NAT10: variants seen among roughly 807,000 people sequenced by gnomAD.
The protein encoded by NAT10 is N-acetyltransferase 10, also known as RNA cytidine acetyltransferase.
NAT10 carries 109 observed loss-of-function variants against 132.2 expected under a neutral mutation model. That is an observed-to-expected ratio of 0.82 (90% CI 0.71 to 0.97). NAT10 has a LOEUF of 0.97. Ranked by LOEUF, NAT10 falls within the 50% of genes least tolerant of loss-of-function variation. The pLI, the probability that NAT10 is intolerant of heterozygous loss-of-function variation, is 0.00. For synonymous variants in NAT10, 479 were observed against 478.0 expected (o/e 1.00, Z -0.03); for missense variants, 1,184 against 1,263.4 (o/e 0.94, Z 0.95).
chr11:34,123,739 C>CCTT, intron 9 of NAT10, 23 bp from the exon 10 acceptor site: 1 of 1,493,336 alleles, frequency 6.7e-7, no homozygotes, highest in Non-Finnish European at 9.2e-7. Flanking sequence ...TCTTAAAAAT[C>CCTT]CTTCTTTTAT....
chr11:34,134,186 T>C, intron 16 of NAT10, 133 bp from the exon 17 acceptor site: 1 of 720,048 alleles, frequency 1.4e-6, no homozygotes, highest in Non-Finnish European at 2.5e-6. Flanking sequence ...GGAATGGATG[T>C]GTCAGTGTCA....
intron 14 of NAT10, 78 bp downstream of exon 14, chr11:34,131,609 T>A: frequency 1.4e-6 from 2 of 1,398,792 alleles, no homozygotes; most frequent in South Asian, 1.4e-5. Context: ...GAGTCCTTTG[T>A]TTCATAGGAT....
intron 11 of NAT10, among the ~76,000 whole-genome samples, chr11:34,126,545 G>A (rs1851997420): frequency 6.6e-6 from 1 of 152,178 alleles, no homozygotes; most frequent in African/African-American, 2.4e-5. Flanking sequence ...TTTCCAGCTT[G>A]CTTAAAATTT....
rs1257014113 is a variant in NAT10, at chr11:34,105,638, G to C, written c.-170G>C. On this transcript the variant is annotated 5_prime_UTR_variant, in exon 1 of 29. Coordinates refer to ENST00000257829, the MANE Select transcript of NAT10 (RefSeq NM_024662.3). ...GCACGTGCTGTCTACCAGTTCCTGA[G>C]AGGGACGCGTGCCGCGGAGCCAGGC... The C allele has an allele frequency of 6.6e-6, 1 of 152,374 alleles. No homozygotes were observed. The highest frequency in any genetic ancestry group is 2.4e-5 in the African/African-American group (1 of 41,486). The allele number at this position is 152,374 out of a possible 1,614,324, so 9.4% of individuals were successfully genotyped here.
chr11:34,119,554 G>C (rs1016028731), intron 8 of NAT10, among the ~76,000 whole-genome samples: 1 of 152,178 alleles, frequency 6.6e-6, no homozygotes, highest in Non-Finnish European at 1.5e-5. Context: ...TTCTAGTTAA[G>C]TAGTGTTATA....
chr11:34,142,270 C>A lies in NAT10; in HGVS notation c.2812-5C>A, dbSNP rs955838678. ...CTTAGTCTCTTTATGGGTCCTTAAC[C>A]ACAGGATGAAGCAGCAAAGGAATTT... On this transcript the variant is annotated splice_polypyrimidine_tract_variant and splice_region_variant and intron_variant, in intron 26 of 28. Transcript: ENST00000257829. The A allele has an allele frequency of 1.2e-6, 2 of 1,613,952 alleles. No homozygotes were observed. The highest frequency in any genetic ancestry group is 8.5e-7 in the Non-Finnish European group (1 of 1,179,924).
Position 34,118,487 on chromosome 11 carries a change from G to C in NAT10, c.764G>C (p.Cys255Ser). The stretch of plus-strand genomic sequence containing the variant: ...CCTGTGGGTGTGTTGGTGGACTGCT[G>C]TAAGACTCTAGACCAGGTGAGTGTG... ...TQPVGVLVDC[C>S]KTLDQAKAVL... The change falls in exon 8 of 29, where the codon TGT becomes TCT. Residue 255 changes from cysteine to serine, a missense_variant. Physicochemically the swap from Cys to Ser is moderately radical, Grantham distance 112. Coordinates refer to ENST00000257829, the MANE Select transcript of NAT10 (RefSeq NM_024662.3). 6.2e-7 allele frequency: 1 copy of C among 1,613,762 alleles called. No individual in the cohort carries two copies. Among genetic ancestry groups the C allele is most frequent in the Non-Finnish European group, 8.5e-7 (1 of 1,179,792 alleles).
chr11:34,133,158 C>T lies in NAT10; in HGVS notation c.1734+16C>T, dbSNP rs530952149. The T allele has an allele frequency of 1.7e-5, 27 of 1,573,698 alleles. No homozygotes were observed. Among genetic ancestry groups the T allele is most frequent in the Admixed American group, 1.5e-4 (9 of 59,938 alleles). The stretch of plus-strand genomic sequence containing the variant: ...TGTTATCCAGGTATAGGAGCAGAGG[C>T]GTCCTTGTGGCAGTGATTTGGGGAA... On this transcript the variant is annotated intron_variant, in intron 16 of 28. Coordinates refer to ENST00000257829, the MANE Select transcript of NAT10 (RefSeq NM_024662.3).
At chr11:34,131,317 C>T in intron 13 of NAT10, 64 bp from the exon 14 acceptor site, 2 of 1,529,060 alleles carry the variant, frequency 1.3e-6, no homozygotes, top group South Asian at 1.3e-5. Context: ...TTTTTCCTTG[C>T]TTTTTTAGAC....
In NAT10 at chr11:34,108,825, G is replaced by C; in HGVS notation, c.192G>C (p.Gly64=). The stretch of plus-strand genomic sequence containing the variant: ...TGTGGTGTTATAAGAAAGAGCTGGG[G>C]TTTAGCAGGTAAGCTGGGCTCTTCA... ...SVLWCYKKEL[G]FSSHRKKRMR... The change falls in exon 3 of 29, where the codon GGG becomes GGC. Residue 64 remains glycine (G), a synonymous_variant. Transcript: ENST00000257829. 6.2e-7 allele frequency: 1 copy of C among 1,613,142 alleles called. No individual in the cohort carries two copies. Among genetic ancestry groups the C allele is most frequent in the Non-Finnish European group, 8.5e-7 (1 of 1,179,664 alleles).
intron 25 of NAT10, among the ~76,000 whole-genome samples, chr11:34,141,470 G>A (rs560105836): frequency 6.6e-6 from 1 of 150,440 alleles, no homozygotes; most frequent in East Asian, 2.0e-4. Flanking sequence ...GCAAATACAG[G>A]ACTTCAGCTC....
At chr11:34,127,828 T>A (rs1465918031) in intron 12 of NAT10, among the ~76,000 whole-genome samples, 1 of 152,204 alleles carries the variant, frequency 6.6e-6, no homozygotes, top group Non-Finnish European at 1.5e-5. Flanking sequence ...GACTGAAGAA[T>A]TTTAGTCTGA....
chr11:34,133,134 G>C lies in NAT10; in HGVS notation c.1726G>C (p.Val576Leu), dbSNP rs147822972. The C allele has an allele frequency of 3.5e-5, 56 of 1,611,462 alleles. No individual in the cohort carries two copies. Among genetic ancestry groups the C allele is most frequent in the Non-Finnish European group, 2.1e-5 (25 of 1,177,536 alleles). ...TQNALPEVLA[V>L]IQVCLEGEIS... ...GAATGCCCTTCCAGAAGTGCTTGCTGTTATCCAGGTATAGGAGCAGAGGCG... is the reference window on the plus strand; with the variant it reads ...GAATGCCCTTCCAGAAGTGCTTGCTCTTATCCAGGTATAGGAGCAGAGGCG... The change falls in exon 16 of 29, where the codon GTT becomes CTT. Residue 576 changes from valine to leucine, a missense_variant. By Grantham distance (32) the Val-to-Leu change is conservative. Coordinates refer to ENST00000257829, the MANE Select transcript of NAT10 (RefSeq NM_024662.3).
At chr11:34,144,993 T>G (rs181294106) in intron 28 of NAT10, among the ~76,000 whole-genome samples, 28 of 152,370 alleles carry the variant, frequency 1.8e-4, no homozygotes, top group African/African-American at 6.7e-4. Flanking sequence ...GATGCCGGCC[T>G]CATTTCCCAG....
At chr11:34,119,376 A>T (rs548819925) in intron 8 of NAT10, among the ~76,000 whole-genome samples, 1 of 152,360 alleles carries the variant, frequency 6.6e-6, no homozygotes, top group Non-Finnish European at 1.5e-5. Context: ...CTTAGGGCTG[A>T]GTCCCAGCAG....
chr11:34,128,055 C>G (rs1315518848), intron 12 of NAT10, among the ~76,000 whole-genome samples: 2 of 151,694 alleles, frequency 1.3e-5, no homozygotes, highest in East Asian at 1.9e-4. Context: ...AACAGGTAAG[C>G]AAAAGAAAAA....
At chr11:34,137,479 A>G (rs567454829) in intron 21 of NAT10, among the ~76,000 whole-genome samples, 1 of 152,258 alleles carries the variant, frequency 6.6e-6, no homozygotes, top group East Asian at 1.9e-4. Context: ...GGAAATGTGG[A>G]CTAGGCATTC....
Position 34,146,392 on chromosome 11 carries a change from T to G in NAT10, c.*200T>G, listed in dbSNP as rs549209912. On this transcript the variant is annotated 3_prime_UTR_variant, in exon 29 of 29. Transcript: ENST00000257829. ...ACTCCCAAATGGGTCTCTTTAGAAC[T>G]TGATGGCTGGGCACTGCCATCTCTA... 1 of 479,132 alleles carries G rather than the reference T, an allele frequency of 2.1e-6. No homozygotes were observed. The highest frequency in any genetic ancestry group is 2.0e-5 in the African/African-American group (1 of 51,132). 29.7% of individuals were successfully genotyped at this position (479,132 alleles called of 1,614,324 possible).
intron 28 of NAT10, 115 bp from the exon 29 acceptor site, chr11:34,145,969 A>G (rs1590195684): frequency 7.2e-6 from 5 of 697,102 alleles, no homozygotes; most frequent in South Asian, 5.8e-5. Context: ...TGGGTGGCCT[A>G]CATCAAGTTT....
Sources: allele counts gnomAD v4.1 joint callset (sites outside exome capture counted in the v4.1 genomes callset), GRCh38; gene constraint gnomAD v4.1.1; transcripts MANE v1.5; gene names NCBI Gene and HGNC (gene_info 2026-07-23, HGNC 2026-07-21).